The following ZNF469 variants were observed in gnomAD, a reference collection of about 807,000 sequenced individuals.
ZNF469 encodes zinc finger protein 469.
Under a neutral mutation model 1.0 loss-of-function variants are expected in ZNF469, and 1 was observed. That is an observed-to-expected ratio of 1.00 (90% CI 0.35 to 4.73). The LOEUF (loss-of-function observed/expected upper bound fraction) is 4.73. Ranked by LOEUF, ZNF469 falls within the 30% of genes most tolerant of loss-of-function variation. The pLI is 0.16. For synonymous variants in ZNF469, 2,703 were observed against 2,363.4 expected, an observed-to-expected ratio of 1.14 and a Z score of -4.17; for missense variants, 6,100 against 5,356.3, an observed-to-expected ratio of 1.14 and a Z score of -4.33.
the ZNF469 span, among the ~76,000 whole-genome samples, chr16:88,375,394 CCT>C: frequency 2.5e-4 from 38 of 152,258 alleles, no homozygotes; most frequent in Non-Finnish European, 5.0e-4. Context: ...TGCTACGCTG[CCT>C]CTCAGCAGGC....
chr16:88,269,796 TC>T, the ZNF469 span, among the ~76,000 whole-genome samples: 1 of 152,184 alleles, frequency 6.6e-6, no homozygotes, highest in African/African-American at 2.4e-5. Context: ...AGTTACAACC[TC>T]AGTGGCTTCT....
the ZNF469 span, among the ~76,000 whole-genome samples, chr16:88,231,302 G>A: frequency 6.6e-6 from 1 of 152,222 alleles, no homozygotes; most frequent in African/African-American, 2.4e-5. This position sits in a 1 kb window ranked among gnomAD's most constrained non-coding sequence, Gnocchi z 4.5. Flanking sequence ...TTTGGGCGGG[G>A]CTCAGGGAAC....
the ZNF469 span, among the ~76,000 whole-genome samples, chr16:88,256,895 C>CTTCTTTCT: frequency 3.1e-4 from 16 of 51,464 alleles, no homozygotes; most frequent in African/African-American, 1.1e-3. Context: ...CTTTTCTTTC[C>CTTCTTTCT]TTCTTTCTTT....
the ZNF469 span, among the ~76,000 whole-genome samples, chr16:88,101,554 T>TC: frequency 1.3e-5 from 2 of 151,654 alleles, no homozygotes; most frequent in Non-Finnish European, 2.9e-5. Context: ...CTTTTTTTTT[T>TC]TTTTGAGAAA....
At chr16:88,413,064 G>GCAT (rs1905217350) in intron 1 of ZNF469, among the ~76,000 whole-genome samples, 1 of 152,012 alleles carries the variant, frequency 6.6e-6, no homozygotes, top group Non-Finnish European at 1.5e-5. Flanking sequence ...TAGCGGTGTG[G>GCAT]CATCCCCATT....
At chr16:88,171,384 G>A in the ZNF469 span, among the ~76,000 whole-genome samples, 16 of 152,188 alleles carry the variant, frequency 1.1e-4, no homozygotes, top group African/African-American at 3.9e-4. Flanking sequence ...TTCAGAGATT[G>A]CACCCAGAAG....
At chr16:88,325,276 G>A in the ZNF469 span, among the ~76,000 whole-genome samples, 21 of 151,960 alleles carry the variant, frequency 1.4e-4, no homozygotes, top group East Asian at 7.7e-4. Flanking sequence ...TACAGGCTCC[G>A]TAAGCTGCCC....
rs1167495569 is a variant in ZNF469 at position 88,430,384 on chromosome 16, G to A, written c.2914G>A (p.Gly972Ser). 1.3e-6 allele frequency: 2 copies of A among 1,515,890 alleles called. No individual in the cohort carries two copies. The highest frequency in any genetic ancestry group is 1.2e-5 in the South Asian group (1 of 81,998). 93.9% of individuals were successfully genotyped at this position (1,515,890 alleles called of 1,614,324 possible). The change falls in exon 3 of 3, where the codon GGC (glycine) becomes AGC (serine). Residue 972 changes from glycine (G) to serine (S), a missense_variant. Physicochemically the swap from Gly to Ser is moderately conservative, Grantham distance 56. Transcript: ENST00000565624. ...GAAEGSGSGG[G>S]GRASGLRPRR... ...AGCAGAGGGGTCGGGGTCGGGCGGC[G>A]GCGGCAGAGCCTCCGGCCTGAGGCC...
chr16:88,175,560 A>G, the ZNF469 span, among the ~76,000 whole-genome samples: 3 of 152,262 alleles, frequency 2.0e-5, no homozygotes, highest in African/African-American at 7.2e-5. Context: ...CTACCTAAAT[A>G]TTTGAAATTA....
the ZNF469 span, among the ~76,000 whole-genome samples, chr16:88,170,002 G>A: frequency 2.0e-5 from 3 of 152,270 alleles, no homozygotes; most frequent in East Asian, 3.9e-4. The surrounding 1 kb of genome is among the most constrained non-coding windows in gnomAD (Gnocchi z 4.2). Flanking sequence ...ATGCATTTAT[G>A]GGGGGCATGG....
the ZNF469 span, among the ~76,000 whole-genome samples, chr16:88,320,683 C>T: frequency 6.6e-6 from 1 of 152,220 alleles, no homozygotes; most frequent in South Asian, 2.1e-4. Flanking sequence ...CATGCCCAGC[C>T]TGACCATGAG....
chr16:88,271,487 G>T, the ZNF469 span, among the ~76,000 whole-genome samples: 2 of 140,680 alleles, frequency 1.4e-5, no homozygotes, highest in African/African-American at 2.5e-5. Context: ...GGCTGCAAAG[G>T]TCTCGAAGGC....
Position 88,437,981 on chromosome 16 carries a change from C to G in ZNF469, c.10511C>G (p.Ser3504Cys), listed in dbSNP as rs1329770485. Residue 3504 changes from serine (S) to cysteine (C), a missense_variant, in exon 3 of 3, where the codon TCT (serine) becomes TGT (cysteine). Transcript: ENST00000565624. ...AGCAGCCCCATCCTGAGTGAGGGCT[C>G]TCTCCCGGCCCTGCTCCACCTGTGT... ...RGSSPILSEG[S>C]LPALLHLCSE... 6 of 1,548,112 alleles carry G rather than the reference C, an allele frequency of 3.9e-6. No individual in the cohort carries two copies. Among genetic ancestry groups the G allele is most frequent in the Non-Finnish European group, 5.2e-6 (6 of 1,146,778 alleles).
the ZNF469 span, among the ~76,000 whole-genome samples, chr16:88,200,690 G>A: frequency 6.6e-6 from 1 of 152,244 alleles, no homozygotes; most frequent in African/African-American, 2.4e-5. Context: ...CCTCTGCCTG[G>A]TCTCACTTCT....
chr16:88,381,111 C>T (rs111065453), upstream of ZNF469, among the ~76,000 whole-genome samples: 158 of 146,500 alleles, frequency 1.1e-3, 1 homozygote, highest in African/African-American at 1.6e-3. Context: ...GACATGCACT[C>T]GCACACACGC....
At chr16:88,108,109 G>T in the ZNF469 span, among the ~76,000 whole-genome samples, 1 of 150,436 alleles carries the variant, frequency 6.6e-6, no homozygotes, top group Middle Eastern at 3.2e-3. Flanking sequence ...ACGTCTGTGG[G>T]GATGTGGGGA....
At chr16:88,147,331 C>G in the ZNF469 span, among the ~76,000 whole-genome samples, 617 of 152,178 alleles carry the variant, frequency 4.1e-3, 7 homozygotes, top group Admixed American at 0.011. Context: ...ACTGGAGTCC[C>G]ACGTCGACCT....
At chr16:88,148,299 C>T in the ZNF469 span, among the ~76,000 whole-genome samples, 1 of 152,198 alleles carries the variant, frequency 6.6e-6, no homozygotes, top group East Asian at 1.9e-4. Flanking sequence ...CCCATGGGGC[C>T]TGCAGCATGT....
the ZNF469 span, among the ~76,000 whole-genome samples, chr16:88,102,796 C>T: frequency 1.3e-5 from 2 of 152,356 alleles, no homozygotes; most frequent in African/African-American, 4.8e-5. Context: ...AAGGCGTCCA[C>T]CGCAGGGCCC....
Sources: gnomAD v4.1 joint callset for allele counts (sites outside exome capture counted in the v4.1 genomes callset) on GRCh38, gnomAD v4.1.1 for gene constraint, Gnocchi (gnomAD v3.1) non-coding constraint, MANE v1.5 for transcripts, NCBI Gene and HGNC (gene_info 2026-07-23, HGNC 2026-07-21) for gene names.